The following EPHA6 variants were observed in gnomAD, a reference collection of about 807,000 sequenced individuals.
EPHA6 encodes ephrin type-A receptor 6.
EPHA6 carries 50 observed loss-of-function variants against 112.0 expected under a neutral mutation model. That is an observed-to-expected ratio of 0.45 (90% CI 0.36 to 0.56). The LOEUF (loss-of-function observed/expected upper bound fraction) is 0.56, where lower values mean the gene tolerates loss of function less well. EPHA6 is among the 20% of genes least tolerant of loss of function. The probability of loss-of-function intolerance (pLI) is 0.00; values close to 1 mark genes in which losing one functional copy is unlikely to be tolerated. For missense variants in EPHA6, 1,280 were observed against 1,417.4 expected, an observed-to-expected ratio of 0.90 and a Z score of 1.56; for synonymous variants, 529 against 490.7, an observed-to-expected ratio of 1.08 and a Z score of -1.03.
chr3:97,005,251 T>G (rs1326231759), intron 3 of EPHA6, among the ~76,000 whole-genome samples: 1 of 152,216 alleles, frequency 6.6e-6, no homozygotes, highest in Admixed American at 6.5e-5. Context: ...TCCATGAGGA[T>G]GGAATGTTTT....
rs578086809 is a variant in EPHA6 at position 97,615,161 on chromosome 3, A to G, written c.2574+4307A>G. On this transcript the variant is annotated intron_variant, in intron 13 of 17. Coordinates refer to ENST00000389672, the MANE Select transcript of EPHA6 (RefSeq NM_001080448.3). ...CCAGGAGCAACACAGAGCAACGGGA[A>G]CCTCCCCTACCCTGGGAAGCAGTTA... Among the ~76,000 whole-genome samples the G allele has an allele frequency of 2.5e-3, 388 of 152,164 alleles. 4 individuals are homozygous for G. The highest frequency in any genetic ancestry group is 9.1e-3 in the African/African-American group (378 of 41,526).
intron 5 of EPHA6, 107 bp downstream of exon 5, chr3:97,244,394 T>C (rs1487595401): frequency 4.4e-6 from 4 of 903,572 alleles, no homozygotes; most frequent in Non-Finnish European, 6.9e-6. Context: ...TCATATACGT[T>C]ATACACTGCA....
chr3:97,336,011 T>C (rs1387305306), intron 5 of EPHA6, among the ~76,000 whole-genome samples: 1 of 152,240 alleles, frequency 6.6e-6, no homozygotes, highest in Non-Finnish European at 1.5e-5. Context: ...GAGTACAAAG[T>C]CTGCAAAATA....
chr3:97,069,403 A>T (rs2046284285), intron 3 of EPHA6, among the ~76,000 whole-genome samples: 1 of 152,122 alleles, frequency 6.6e-6, no homozygotes, highest in South Asian at 2.1e-4. Flanking sequence ...ACAGAGTTGG[A>T]AGGGTATCTG....
chr3:97,621,094 T>C (rs780770659), intron 13 of EPHA6, among the ~76,000 whole-genome samples: 2 of 151,950 alleles, frequency 1.3e-5, no homozygotes, highest in Non-Finnish European at 2.9e-5. Context: ...TGAAAAATAA[T>C]GAGATCACAT....
At position 97,736,462 on chromosome 3, in the gene EPHA6, AGAGAGAGAGTGT is replaced by A. The variant is rs1406377386; in HGVS notation, c.3128+346_3128+357del. Reference sequence around the variant, plus strand: ...CCTTTAGAAGTAGAGAGAGAGAGAGAGAGAGAGAGTGTGTGTGTGTGTGTGTGTGTGTGTGTG... The same window carrying A: ...CCTTTAGAAGTAGAGAGAGAGAGAGAGTGTGTGTGTGTGTGTGTGTGTGTG... On this transcript the variant is annotated intron_variant, in intron 16 of 17. Transcript: ENST00000389672. 2.1e-3 allele frequency among the ~76,000 whole-genome samples: 309 copies of A among 145,974 alleles called. 1 individual carries two copies. Among genetic ancestry groups the A allele is most frequent in the African/African-American group, 7.7e-3 (296 of 38,466 alleles).
chr3:97,627,767 T>C (rs533425163), intron 13 of EPHA6, among the ~76,000 whole-genome samples: 17 of 152,034 alleles, frequency 1.1e-4, no homozygotes, highest in African/African-American at 3.9e-4. Flanking sequence ...GAAACATCTC[T>C]TGGACAGCAA....
Position 97,754,082 on chromosome 3 carries a change from ATC to A in EPHA6, c.*5383_*5384del, listed in dbSNP as rs372583075. 2.1e-5 allele frequency among the ~76,000 whole-genome samples: 3 copies of A among 139,806 alleles called. No individual in the cohort carries two copies. The highest frequency in any genetic ancestry group is 3.1e-5 in the Non-Finnish European group (2 of 64,936). 91.7% of individuals were successfully genotyped at this position (139,806 alleles called of 152,430 possible). ...AAAATGTATAAAAAATAACATTTAT[ATC>A]TTTTTTTTTTTTTTTTTTTTTGAGA... On this transcript the variant is annotated 3_prime_UTR_variant, in exon 18 of 18. Transcript: ENST00000389672.
intron 2 of EPHA6, among the ~76,000 whole-genome samples, chr3:96,956,566 T>C (rs2041768055): frequency 6.6e-6 from 1 of 152,116 alleles, no homozygotes; most frequent in Non-Finnish European, 1.5e-5. Context: ...GCTATAGAGC[T>C]TCAAATTCCT....
At chr3:97,669,067 G>A (rs1322193714) in intron 14 of EPHA6, among the ~76,000 whole-genome samples, 3 of 151,656 alleles carry the variant, frequency 2.0e-5, no homozygotes, top group Admixed American at 1.3e-4. Flanking sequence ...CCCTTCTAAG[G>A]TCTGGGCTTC....
At chr3:96,971,657 C>T (rs1448313711) in intron 2 of EPHA6, among the ~76,000 whole-genome samples, 1 of 152,056 alleles carries the variant, frequency 6.6e-6, no homozygotes, top group Non-Finnish European at 1.5e-5. Flanking sequence ...TACTTTGATA[C>T]AGAATATTAG....
At chr3:96,993,557 A>G (rs909896902) in intron 3 of EPHA6, among the ~76,000 whole-genome samples, 3 of 151,808 alleles carry the variant, frequency 2.0e-5, no homozygotes, top group Non-Finnish European at 2.9e-5. Context: ...TCACTCTTTC[A>G]TTTCCTCATT....
chr3:97,451,592 TAAA>T (rs36039216), intron 7 of EPHA6, among the ~76,000 whole-genome samples: 1 of 132,118 alleles, frequency 7.6e-6, no homozygotes, highest in Non-Finnish European at 1.7e-5. Context: ...AAAGGATCAT[TAAA>T]AAAAAAAAAA....
chr3:96,910,864 C>CCA (rs2039181800), intron 2 of EPHA6, among the ~76,000 whole-genome samples: 1 of 152,014 alleles, frequency 6.6e-6, no homozygotes, highest in Non-Finnish European at 1.5e-5. Flanking sequence ...ATCTTGTTTA[C>CCA]CACTGTATGT....
intron 3 of EPHA6, among the ~76,000 whole-genome samples, chr3:97,101,072 C>T (rs2047389408): frequency 6.6e-6 from 1 of 151,932 alleles, no homozygotes; most frequent in Non-Finnish European, 1.5e-5. Context: ...GGCACATTGT[C>T]TCTGATCTGT....
chr3:97,421,326 G>A (rs542955494), intron 6 of EPHA6, among the ~76,000 whole-genome samples: 18 of 152,110 alleles, frequency 1.2e-4, no homozygotes, highest in East Asian at 3.9e-4. Context: ...AAGGTGTCTC[G>A]CTCTGCAAAT....
At chr3:97,455,640 C>A (rs1308283613) in intron 7 of EPHA6, among the ~76,000 whole-genome samples, 1 of 151,930 alleles carries the variant, frequency 6.6e-6, no homozygotes, top group Non-Finnish European at 1.5e-5. Context: ...TTTCAGAAGA[C>A]TATTTATAAA....
At chr3:97,712,808 T>C (rs1226694645) in intron 14 of EPHA6, among the ~76,000 whole-genome samples, 2 of 152,136 alleles carry the variant, frequency 1.3e-5, no homozygotes, top group Non-Finnish European at 2.9e-5. Flanking sequence ...CAACAAAAAA[T>C]TAGCATTCAC....
intron 3 of EPHA6, among the ~76,000 whole-genome samples, chr3:97,023,707 TATTTATATTC>T (rs2044542016): frequency 6.6e-6 from 1 of 152,226 alleles, no homozygotes; most frequent in Admixed American, 6.5e-5. Context: ...AACTATTTCC[TATTTATATTC>T]ATTTAGATTT....
Sources: gnomAD v4.1 joint callset for allele counts (sites outside exome capture counted in the v4.1 genomes callset) on GRCh38, gnomAD v4.1.1 for gene constraint, MANE v1.5 for transcripts, NCBI Gene and HGNC (gene_info 2026-07-23, HGNC 2026-07-21) for gene names.